The following RDH13 variants were observed in gnomAD, a reference collection of about 807,000 sequenced individuals.
RDH13 encodes the protein retinol dehydrogenase 13, also known as retinol dehydrogenase 13 (all-trans and 9-cis).
A neutral mutation model predicts 28.3 loss-of-function variants in RDH13; 35 were observed. That is an observed-to-expected ratio of 1.24 (90% CI 0.95 to 1.64). The LOEUF (loss-of-function observed/expected upper bound fraction) is 1.64, where lower values mean the gene tolerates loss of function less well. RDH13 is among the 40% of genes most tolerant of loss of function. The pLI, the probability that RDH13 is intolerant of heterozygous loss-of-function variation, is 0.00. For missense variants in RDH13, 514 were observed against 446.3 expected, an observed-to-expected ratio of 1.15 and a Z score of -1.37; for synonymous variants, 229 against 198.5, an observed-to-expected ratio of 1.15 and a Z score of -1.29.
At chr19:55,067,035 G>C (rs1011906155), upstream of RDH13, among the ~76,000 whole-genome samples, 1 of 152,152 alleles carries the variant, frequency 6.6e-6, no homozygotes, top group Non-Finnish European at 1.5e-5. Flanking sequence ...AAGCCACTGA[G>C]TTTTAGAATA....
At chr19:55,053,632 G>C (rs1370557630) in intron 3 of RDH13, 1 of 151,382 alleles carries the variant, frequency 6.6e-6, no homozygotes, top group African/African-American at 2.4e-5. Context: ...CTCCAGCCTG[G>C]GCGACAAAGC....
At chr19:55,042,243 G>T (rs796286203), downstream of RDH13, 1 of 151,672 alleles carries the variant, frequency 6.6e-6, no homozygotes, top group Non-Finnish European at 1.5e-5. Context: ...AACATCCTCC[G>T]TCCCACGCAA....
intron 3 of RDH13, among the ~76,000 whole-genome samples, chr19:55,053,525 A>G (rs146245737): frequency 0.14 from 21,959 of 151,648 alleles, 1,823 homozygotes; most frequent in African/African-American, 0.22. Flanking sequence ...GCGTGGTGGC[A>G]GGCGCCTGTA....
chr19:55,056,857 G>T, intron 2 of RDH13, 49 bp from the exon 3 acceptor site: 1 of 1,491,690 alleles, frequency 6.7e-7, no homozygotes, highest in Non-Finnish European at 9.2e-7. Context: ...CCACTCCTGG[G>T]TACTGACCCC....
intron 3 of RDH13, chr19:55,053,884 T>C (rs2147035466): frequency 6.6e-6 from 1 of 152,102 alleles, no homozygotes; most frequent in African/African-American, 2.4e-5. Flanking sequence ...TGCATGAAGG[T>C]GACAGTGCTG....
upstream of RDH13, among the ~76,000 whole-genome samples, chr19:55,065,081 A>G (rs867405332): frequency 1.7e-4 from 26 of 151,134 alleles, 1 homozygote; most frequent in Admixed American, 1.7e-3. Context: ...AGTTTACCAA[A>G]CTAAAAATAA....
rs1422335761 is a variant in RDH13, at chr19:55,059,063, C to T, written c.184+94G>A. ...TTCCCTGTTCATCTGTGGATGGGTG[C>T]CTGGGTTCCTTCCACCTCCGGACTG... On this transcript the variant is annotated intron_variant, in intron 2 of 6. Coordinates refer to ENST00000415061, the MANE Select transcript of RDH13 (RefSeq NM_001145971.2). 3.9e-6 allele frequency: 3 copies of T among 772,474 alleles called. No individual in the cohort carries two copies. The East Asian group carries it at 8.1e-5, about 21-fold the overall frequency. 47.9% of individuals were successfully genotyped at this position (772,474 alleles called of 1,614,324 possible).
chr19:55,048,304 G>A (rs976930771), intron 5 of RDH13, 25 bp downstream of exon 5: 5 of 1,613,316 alleles, frequency 3.1e-6, no homozygotes, highest in Non-Finnish European at 3.4e-6. Flanking sequence ...AAGCAAGAGG[G>A]AGGCCGAGCC....
rs199855770 is a variant in RDH13 at position 55,045,128 on chromosome 19, G to T, written c.942C>A (p.Ala314=). 6.2e-7 allele frequency: 1 copy of T among 1,613,504 alleles called. No individual in the cohort carries two copies. The highest frequency in any genetic ancestry group is 8.5e-7 in the Non-Finnish European group (1 of 1,179,966). ...AGGGAGCCTCTAAGCCCACCAGGCGGGCACTTTCAGCCCAAAGCCTCCGGG... is the reference window on the plus strand; with the variant it reads ...AGGGAGCCTCTAAGCCCACCAGGCGTGCACTTTCAGCCCAAAGCCTCCGGG... ...EVARRLWAES[A]RLVGLEAPSV... Residue 314 remains alanine, a synonymous_variant, in exon 7 of 7, where the codon GCC becomes GCA. Coordinates refer to ENST00000415061, the MANE Select transcript of RDH13 (RefSeq NM_001145971.2).
intron 6 of RDH13, 112 bp from the exon 7 acceptor site, chr19:55,045,421 T>C: frequency 1.3e-6 from 1 of 754,458 alleles, no homozygotes. Context: ...AGCCCTCCTC[T>C]AGCCCTTTCC....
At chr19:55,063,331 TGACG>T (rs1299235517), upstream of RDH13, 1 of 363,790 alleles carries the variant, frequency 2.7e-6, no homozygotes, top group African/African-American at 2.1e-5. Flanking sequence ...TTTGTTCGAA[TGACG>T]TCACACTTGC....
At chr19:55,052,884 G>A (rs1017569918) in intron 3 of RDH13, among the ~76,000 whole-genome samples, 6 of 151,822 alleles carry the variant, frequency 4.0e-5, no homozygotes, top group South Asian at 2.1e-4. Context: ...GGATGGTCTC[G>A]ATCTCCTGAC....
chr19:55,059,933 A>T (rs553936193), intron 1 of RDH13, among the ~76,000 whole-genome samples: 1 of 152,222 alleles, frequency 6.6e-6, no homozygotes, highest in Admixed American at 6.5e-5. Context: ...GTTTCCAAGC[A>T]GTATACTTGG....
chr19:55,039,984 C>T (rs1602668126), downstream of RDH13, among the ~76,000 whole-genome samples: 1 of 152,264 alleles, frequency 6.6e-6, no homozygotes, highest in East Asian at 1.9e-4. Flanking sequence ...CGAGAGGAGT[C>T]AAATTCATAG....
At chr19:55,039,358 C>G (rs2074953652), downstream of RDH13, 1 of 152,190 alleles carries the variant, frequency 6.6e-6, no homozygotes, top group African/African-American at 2.4e-5. Flanking sequence ...ATGGTGAAAC[C>G]CCATCTCTAC....
chr19:55,049,315 C>T (rs143822229), intron 3 of RDH13, among the ~76,000 whole-genome samples: 9 of 152,158 alleles, frequency 5.9e-5, no homozygotes, highest in South Asian at 2.1e-4. Flanking sequence ...GCCCCGGCAC[C>T]GCAGGCGTGG....
Position 55,049,887 on chromosome 19 carries a change from C to T in RDH13, c.341-1124G>A, listed in dbSNP as rs1392674633. ...TCTCAGGGCCCTCAGGGAGGATCCG[C>T]TCTGGTCTCTCTCCTTGGCTCACAG... On this transcript the variant is annotated intron_variant, in intron 3 of 6. Coordinates refer to ENST00000415061, the MANE Select transcript of RDH13 (RefSeq NM_001145971.2). Among the ~76,000 whole-genome samples the T allele has an allele frequency of 5.3e-5, 8 of 151,288 alleles. No individual in the cohort carries two copies. The East Asian group carries it at 9.7e-4, about 18-fold the overall frequency.
upstream of RDH13, chr19:55,064,478 C>T (rs1355114886): frequency 6.6e-6 from 1 of 151,606 alleles, no homozygotes; most frequent in Non-Finnish European, 1.5e-5. Flanking sequence ...ACGTATTAAA[C>T]CAGTTACACA....
chr19:55,043,655 G>A (rs1411692141), downstream of RDH13, among the ~76,000 whole-genome samples: 2 of 152,164 alleles, frequency 1.3e-5, no homozygotes, highest in Non-Finnish European at 1.5e-5. Context: ...GCAACAGAGC[G>A]AGACTAGGTG....
Sources: gnomAD v4.1 joint callset for allele counts (sites outside exome capture counted in the v4.1 genomes callset) on GRCh38, gnomAD v4.1.1 for gene constraint, MANE v1.5 for transcripts, NCBI Gene and HGNC (gene_info 2026-07-23, HGNC 2026-07-21) for gene names.